Variants in AKAP9 observed in about 807,000 individuals in gnomAD.
AKAP9 encodes A-kinase anchor protein 9.
In AKAP9, 311 loss-of-function variants were observed where a neutral mutation model predicts 488.5. The observed-to-expected ratio is 0.64, with a 90% CI of 0.58 to 0.70. The LOEUF is 0.70. Among genes scored for constraint, AKAP9 ranks in the 30% least tolerant of loss-of-function variants. AKAP9 has a pLI of 0.00. For missense variants in AKAP9, 4,215 were observed against 4,374.5 expected, an observed-to-expected ratio of 0.96 and a Z score of 1.03; for synonymous variants, 1,462 against 1,483.5, an observed-to-expected ratio of 0.99 and a Z score of 0.33.
At position 92,061,314 on chromosome 7, in the gene AKAP9, AAACAAGAAGC is replaced by A; in HGVS notation, c.5661_5670del (p.Glu1888SerfsTer23). On this transcript the variant is annotated frameshift_variant, in exon 23 of 50. Transcript: ENST00000356239. LOFTEE classifies it high-confidence loss of function. ...GTTGATGCGTGAGTCATTTAGACAG[AAACAAGAAGC>A]AACAGAGTCCCTTAAGTGCCAAGAG... 3 of 1,613,176 alleles carry A rather than the reference AAACAAGAAGC, an allele frequency of 1.9e-6. No homozygotes were observed. Among genetic ancestry groups the A allele is most frequent in the Non-Finnish European group, 2.5e-6 (3 of 1,179,476 alleles).
intron 21 of AKAP9, among the ~76,000 whole-genome samples, chr7:92,046,343 C>T (rs1217542507): frequency 6.6e-6 from 1 of 152,170 alleles, no homozygotes; most frequent in Non-Finnish European, 1.5e-5. Flanking sequence ...CCCATAGAGG[C>T]AGACCTAAAA....
At chr7:92,094,912 TTAGC>T (rs1816299965) in intron 39 of AKAP9, 107 bp from the exon 40 acceptor site, 2 of 840,382 alleles carry the variant, frequency 2.4e-6, no homozygotes, top group Non-Finnish European at 3.9e-6. Context: ...TATTTTCCTC[TTAGC>T]TAGTTTATTA....
intron 26 of AKAP9, among the ~76,000 whole-genome samples, chr7:92,068,711 C>CT (rs933126463): frequency 1.3e-5 from 2 of 150,400 alleles, no homozygotes; most frequent in Admixed American, 6.7e-5. Flanking sequence ...TCCTCAGCAG[C>CT]TTTTTTTTTC....
At chr7:92,072,102 C>T (rs1811826050) in intron 28 of AKAP9, among the ~76,000 whole-genome samples, 1 of 152,168 alleles carries the variant, frequency 6.6e-6, no homozygotes, top group African/African-American at 2.4e-5. Context: ...GACAGACCTT[C>T]TCAACTGGAC....
At chr7:92,008,157 C>T (rs1168975495) in intron 8 of AKAP9, among the ~76,000 whole-genome samples, 2 of 151,630 alleles carry the variant, frequency 1.3e-5, no homozygotes, top group Non-Finnish European at 1.5e-5. Flanking sequence ...ATCACAAGGT[C>T]AGGAGTTCAA....
At chr7:92,102,166 A>AAAAAT (rs1554469401) in intron 45 of AKAP9, among the ~76,000 whole-genome samples, 37 of 116,796 alleles carry the variant, frequency 3.2e-4, no homozygotes, top group African/African-American at 1.4e-3. Context: ...ATAAATTTAA[A>AAAAAT]AAAAAAATAA....
intron 2 of AKAP9, among the ~76,000 whole-genome samples, chr7:91,974,932 C>T (rs1795475230): frequency 6.6e-6 from 1 of 151,438 alleles, no homozygotes; most frequent in African/African-American, 2.4e-5. Flanking sequence ...CTCACTGCAA[C>T]CTCTGTCACC....
intron 21 of AKAP9, 32 bp from the exon 22 acceptor site, chr7:92,052,694 T>C: frequency 1.4e-6 from 2 of 1,403,310 alleles, no homozygotes; most frequent in Non-Finnish European, 2.0e-6. Flanking sequence ...TTATTATAAT[T>C]AATTTATGCC....
intron 3 of AKAP9, among the ~76,000 whole-genome samples, chr7:91,991,690 C>A (rs1327296451): frequency 6.6e-6 from 1 of 152,128 alleles, no homozygotes; most frequent in Non-Finnish European, 1.5e-5. Context: ...CCAGGATGGT[C>A]TCGATCTCCT....
chr7:92,077,073 A>ATTT, intron 29 of AKAP9, 66 bp downstream of exon 29: 6 of 423,316 alleles, frequency 1.4e-5, no homozygotes, highest in Non-Finnish European at 2.1e-5. Context: ...TTGCTTTATT[A>ATTT]TTATTATTAT....
chr7:92,018,395 A>AAC (rs56394853), intron 12 of AKAP9, among the ~76,000 whole-genome samples: 8,383 of 120,530 alleles, frequency 0.07, 254 homozygotes, highest in Middle Eastern at 0.14. Flanking sequence ...CTAAAAATAT[A>AAC]ACACACACAC....
In AKAP9 at chr7:92,070,183, G is replaced by T; in HGVS notation, c.6484G>T (p.Val2162Leu). The change falls in exon 27 of 50, where the codon GTG becomes TTG. Residue 2162 changes from valine to leucine, a missense_variant. This residue lies in a region of AKAP9 where 2,361 missense variants were observed against 2,430.0 expected (regional missense o/e 0.97). Transcript: ENST00000356239. ...AAGAGAACTGGAGCAGGCGCTTCTT[G>T]TGAGTGCAGATACTTTTCAAAAGGT... ...RVRELEQALL[V>L]SADTFQKVED... 6.2e-7 allele frequency: 1 copy of T among 1,614,066 alleles called. No individual in the cohort carries two copies. The highest frequency in any genetic ancestry group is 1.1e-5 in the South Asian group (1 of 91,074).
chr7:91,953,374 A>C (rs373235462), intron 1 of AKAP9, among the ~76,000 whole-genome samples: 1 of 152,180 alleles, frequency 6.6e-6, no homozygotes, highest in Non-Finnish European at 1.5e-5. Flanking sequence ...TTGAATTGAT[A>C]ATTGTAGTGG....
Position 92,097,328 on chromosome 7 carries a change from A to G in AKAP9, c.10369A>G (p.Arg3457Gly). The G allele has an allele frequency of 6.2e-7, 1 of 1,613,666 alleles. No homozygotes were observed. Among genetic ancestry groups the G allele is most frequent in the Non-Finnish European group, 8.5e-7 (1 of 1,179,910 alleles). Residue 3457 changes from arginine to glycine, a missense_variant, in exon 41 of 50, where the codon AGA becomes GGA. Physicochemically the swap from Arg to Gly is moderately radical, Grantham distance 125 (BLOSUM62 -2). Around this residue, in one of 5 missense-constraint regions of AKAP9, gnomAD observed 1,476 missense variants for 1,477.4 expected, o/e 1.00. Coordinates refer to ENST00000356239, the MANE Select transcript of AKAP9 (RefSeq NM_005751.5). ...AGAACGAGAAGAAAAACGAGAAAGT[A>G]GAAGAATTCTGTATCAGAACCTTAA... ...ELEREEKRES[R>G]RILYQNLNEP...
chr7:91,996,427 C>A (rs752447900), intron 7 of AKAP9, among the ~76,000 whole-genome samples: 2 of 152,062 alleles, frequency 1.3e-5, no homozygotes, highest in African/African-American at 2.4e-5. Flanking sequence ...GAGGCCACCC[C>A]ACTAACAGGT....
At chr7:91,953,319 T>C (rs773044959) in intron 1 of AKAP9, among the ~76,000 whole-genome samples, 2 of 152,228 alleles carry the variant, frequency 1.3e-5, no homozygotes, top group African/African-American at 2.4e-5. Flanking sequence ...CATTTTTTAA[T>C]TAGAAGTTCT....
In AKAP9 at chr7:92,089,386, G is replaced by A; in HGVS notation, c.9215G>A (p.Gly3072Asp). ...GTTTTTTACCTTCCTTTGTTACAGG[G>A]TGTTGAATATCAAGCAGCTATGGAA... is the stretch of plus-strand genomic sequence containing the variant. ...NCLEQRIQEQ[G>D]VEYQAAMECL... The change falls in exon 38 of 50, where the codon GGT (glycine) becomes GAT (aspartate). Residue 3072 changes from glycine to aspartate, a missense_variant and splice_region_variant. Physicochemically the swap from Gly to Asp is moderately conservative, Grantham distance 94. Coordinates refer to ENST00000356239, the MANE Select transcript of AKAP9 (RefSeq NM_005751.5). 7 of 1,611,476 alleles carry A rather than the reference G, an allele frequency of 4.3e-6. No individual in the cohort carries two copies. Among genetic ancestry groups the A allele is most frequent in the Non-Finnish European group, 5.9e-6 (7 of 1,179,620 alleles).
At chr7:92,049,911 TC>T (rs1417279684) in intron 21 of AKAP9, among the ~76,000 whole-genome samples, 1 of 152,142 alleles carries the variant, frequency 6.6e-6, no homozygotes, top group Non-Finnish European at 1.5e-5. Context: ...TGAGATTTGC[TC>T]CCATCTAATA....
At position 92,065,464 on chromosome 7, in the gene AKAP9, G is replaced by T. The variant is rs1338186429; in HGVS notation, c.6210+1G>T. 6.3e-7 allele frequency: 1 copy of T among 1,595,322 alleles called. No homozygotes were observed. Among genetic ancestry groups the T allele is most frequent in the Non-Finnish European group, 8.6e-7 (1 of 1,164,272 alleles). On this transcript the variant is annotated splice_donor_variant, in intron 25 of 49. Transcript: ENST00000356239. LOFTEE classifies it high-confidence loss of function. ...AGAAAAAATGAGAAAATTTTTAGAT[G>T]TAAGTATTCTCAAGTTGAATACTGA...
Sources: allele counts gnomAD v4.1 joint callset (sites outside exome capture counted in the v4.1 genomes callset), GRCh38; gene constraint gnomAD v4.1.1; regional missense constraint gnomAD v4.1.1; transcripts MANE v1.5; gene names NCBI Gene and HGNC (gene_info 2026-07-23, HGNC 2026-07-21).